The following RAB6B variants were observed in gnomAD, a reference collection of about 807,000 sequenced individuals.
RAB6B encodes the protein ras-related protein Rab-6B.
RAB6B carries 7 observed loss-of-function variants against 31.2 expected under a neutral mutation model. The observed-to-expected ratio is 0.22, with a 90% CI of 0.13 to 0.42. RAB6B has a LOEUF of 0.42. Among genes scored for constraint, RAB6B ranks in the 10% least tolerant of loss-of-function variants. The pLI is 1.00. For synonymous variants in RAB6B, 105 were observed against 104.9 expected, an observed-to-expected ratio of 1.00 and a Z score of -0.01; for missense variants, 149 against 280.6, an observed-to-expected ratio of 0.53 and a Z score of 3.35.
Position 133,895,704 on chromosome 3 carries a change from T to G in RAB6B, c.-238A>C. ...CGGAGGAAGGCTGGGGCTGGGCTGC[T>G]GCGGTCGGCACTGGCTGCGGTGCGA... On this transcript the variant is annotated 5_prime_UTR_variant, in exon 1 of 8. Coordinates refer to ENST00000285208, the MANE Select transcript of RAB6B (RefSeq NM_016577.4). The G allele has an allele frequency of 1.8e-6, 1 of 548,406 alleles. No individual in the cohort carries two copies. Among genetic ancestry groups the G allele is most frequent in the South Asian group, 2.4e-5 (1 of 42,148 alleles). 34.0% of individuals were successfully genotyped at this position (548,406 alleles called of 1,614,324 possible).
At chr3:133,888,162 T>C (rs975075260) in intron 1 of RAB6B, among the ~76,000 whole-genome samples, 8 of 152,240 alleles carry the variant, frequency 5.3e-5, no homozygotes, top group African/African-American at 1.9e-4. Context: ...AGAGGTCTGA[T>C]AGTCCACTGT....
intron 4 of RAB6B, 97 bp downstream of exon 4, chr3:133,841,180 ACACACATG>A (rs1463950761): frequency 1.9e-6 from 2 of 1,028,272 alleles, no homozygotes; most frequent in Non-Finnish European, 3.0e-6. Flanking sequence ...ATGCGTGTGC[ACACACATG>A]CGTGTGCACA....
intron 1 of RAB6B, among the ~76,000 whole-genome samples, chr3:133,886,661 G>A (rs1181180329): frequency 6.6e-6 from 1 of 152,172 alleles, no homozygotes; most frequent in Non-Finnish European, 1.5e-5. Context: ...AAAATGGGAT[G>A]AGCAGCTCTT....
intron 5 of RAB6B, 95 bp downstream of exon 5, chr3:133,839,411 A>T: frequency 9.1e-7 from 1 of 1,095,410 alleles, no homozygotes. Context: ...TCAGAAGCAC[A>T]GACACACCAC....
chr3:133,878,429 T>C (rs1936425201), intron 1 of RAB6B, among the ~76,000 whole-genome samples: 1 of 152,164 alleles, frequency 6.6e-6, no homozygotes, highest in Admixed American at 6.5e-5. Flanking sequence ...TAGAATTCTA[T>C]GTCCAGGGAC....
In RAB6B at chr3:133,834,513, A is replaced by ATT. The variant is rs997181219; in HGVS notation, c.562+61_562+62insAA. On this transcript the variant is annotated intron_variant, in intron 7 of 7. Transcript: ENST00000285208. ...GCGAGTGTCTGTCCACTGCACTAACATATTCAGTGAATAAATGGCTTCTAT... is the reference window on the plus strand; with the variant it reads ...GCGAGTGTCTGTCCACTGCACTAACATTTATTCAGTGAATAAATGGCTTCTAT... 4.0e-6 allele frequency: 6 copies of ATT among 1,518,956 alleles called. No homozygotes were observed. The African/African-American group carries it at 8.2e-5, about 21-fold the overall frequency. The allele number at this position is 1,518,956 out of a possible 1,614,324, so 94.1% of individuals were successfully genotyped here.
chr3:133,895,504 A>G lies in RAB6B; in HGVS notation c.-38T>C, dbSNP rs755345743. 3 of 1,601,954 alleles carry G rather than the reference A, an allele frequency of 1.9e-6. No individual in the cohort carries two copies. The South Asian group carries it at 3.3e-5, about 18-fold the overall frequency. On this transcript the variant is annotated 5_prime_UTR_variant, in exon 1 of 8. Transcript: ENST00000285208. Reference sequence around the variant, plus strand: ...CGGGGCCGGGAGAGGAGGAGGAGGAAAAAGCGAAGGAGCAGGGAGGGGAGA... The same window carrying G: ...CGGGGCCGGGAGAGGAGGAGGAGGAGAAAGCGAAGGAGCAGGGAGGGGAGA...
At chr3:133,836,211 GCTGCAGAGGAGGCT>G (rs1187817578) in intron 6 of RAB6B, among the ~76,000 whole-genome samples, 40 of 152,234 alleles carry the variant, frequency 2.6e-4, no homozygotes, top group Admixed American at 2.0e-4. Flanking sequence ...TTGTGGGCGG[GCTGCAGAGGAGGCT>G]CTGCAGTGGG....
At chr3:133,858,502 C>T (rs1374680620) in intron 2 of RAB6B, among the ~76,000 whole-genome samples, 1 of 152,124 alleles carries the variant, frequency 6.6e-6, no homozygotes, top group Non-Finnish European at 1.5e-5. Flanking sequence ...TCTTGAGAGG[C>T]CCTCCCTGGC....
chr3:133,844,947 G>A (rs1428292892), intron 2 of RAB6B, among the ~76,000 whole-genome samples: 146 of 145,366 alleles, frequency 1.0e-3, no homozygotes, highest in Non-Finnish European at 9.2e-4. Context: ...TGGCTCAAAA[G>A]AAAAAAAAAA....
At chr3:133,845,182 C>G (rs1433097950) in intron 2 of RAB6B, among the ~76,000 whole-genome samples, 1 of 152,212 alleles carries the variant, frequency 6.6e-6, no homozygotes, top group Non-Finnish European at 1.5e-5. Context: ...CAAAATAAAT[C>G]TATCGCTGTG....
At chr3:133,883,406 T>C (rs1559913592) in intron 1 of RAB6B, among the ~76,000 whole-genome samples, 1 of 152,180 alleles carries the variant, frequency 6.6e-6, no homozygotes, top group Non-Finnish European at 1.5e-5. Flanking sequence ...AGTGGCTCCA[T>C]GGGAACCTCC....
At chr3:133,845,476 CT>C (rs1427570188) in intron 2 of RAB6B, among the ~76,000 whole-genome samples, 1 of 152,168 alleles carries the variant, frequency 6.6e-6, no homozygotes, top group African/African-American at 2.4e-5. Flanking sequence ...CTGCTGGAGC[CT>C]TGATCTTGGA....
chr3:133,831,427 G>C (rs773188604), intron 7 of RAB6B, among the ~76,000 whole-genome samples: 9 of 152,234 alleles, frequency 5.9e-5, no homozygotes, highest in Non-Finnish European at 1.0e-4. Context: ...GGATGCTAGT[G>C]CAAGTGAGGA....
At position 133,895,247 on chromosome 3, in the gene RAB6B, C is replaced by T. The variant is rs1013015765; in HGVS notation, c.70+150G>A. The stretch of plus-strand genomic sequence containing the variant: ...CACCCTTGGCCCCTCCCCAGCCCGA[C>T]CCCGCCCCGACCTCCCCATCCCTGT... On this transcript the variant is annotated intron_variant, in intron 1 of 7. Coordinates refer to ENST00000285208, the MANE Select transcript of RAB6B (RefSeq NM_016577.4). 15 of 777,994 alleles carry T rather than the reference C, an allele frequency of 1.9e-5. No homozygotes were observed. In the African/African-American group the frequency reaches 2.5e-4, roughly 13 times the overall value. The allele number at this position is 777,994 out of a possible 1,614,324, so 48.2% of individuals were successfully genotyped here. A position where few individuals can be genotyped will look rare whatever the true frequency, so the allele number is the denominator to read the frequency against.
chr3:133,828,740 A>G lies in RAB6B; in HGVS notation c.*48T>C. On this transcript the variant is annotated 3_prime_UTR_variant, in exon 8 of 8. Coordinates refer to ENST00000285208, the MANE Select transcript of RAB6B (RefSeq NM_016577.4). ...CTTAGGAAGCTAGCCAATAGGAAGC[A>G]ACACAACAAGCAAGGAGTGTCATGG... 1.3e-6 allele frequency: 2 copies of G among 1,542,258 alleles called. No homozygotes were observed. The highest frequency in any genetic ancestry group is 1.8e-6 in the Non-Finnish European group (2 of 1,117,030).
intron 1 of RAB6B, among the ~76,000 whole-genome samples, chr3:133,865,952 C>T (rs999899860): frequency 1.2e-4 from 18 of 152,234 alleles, no homozygotes; most frequent in African/African-American, 4.3e-4. Flanking sequence ...AAGACCCCAT[C>T]TTTAACCCAG....
intron 2 of RAB6B, among the ~76,000 whole-genome samples, chr3:133,849,436 G>A (rs1323967898): frequency 6.6e-6 from 1 of 152,202 alleles, no homozygotes; most frequent in Non-Finnish European, 1.5e-5. Flanking sequence ...AGTAAAGTTT[G>A]CAAACTGCCT....
At chr3:133,883,500 G>C (rs868831370) in intron 1 of RAB6B, among the ~76,000 whole-genome samples, 90 of 152,282 alleles carry the variant, frequency 5.9e-4, no homozygotes, top group Admixed American at 3.2e-3. Context: ...CAAGGGCCCT[G>C]TGCATGGCCA....
Sources: allele counts gnomAD v4.1 joint callset (sites outside exome capture counted in the v4.1 genomes callset), GRCh38; gene constraint gnomAD v4.1.1; transcripts MANE v1.5; gene names NCBI Gene and HGNC (gene_info 2026-07-23, HGNC 2026-07-21).